Variants in ZNF827 observed in about 807,000 individuals in gnomAD.
The protein encoded by ZNF827 is zinc finger protein 827.
ZNF827 carries 13 observed loss-of-function variants against 102.4 expected under a neutral mutation model. The ratio of observed to expected loss-of-function variants is 0.13; its 90% CI spans 0.08 to 0.20. The LOEUF is 0.20. ZNF827 is among the 10% of genes least tolerant of loss of function. The probability of loss-of-function intolerance (pLI) is 1.00; values close to 1 mark genes in which losing one functional copy is unlikely to be tolerated. For missense variants in ZNF827, 1,103 were observed against 1,344.4 expected, an observed-to-expected ratio of 0.82 and a Z score of 2.81; for synonymous variants, 523 against 536.2, an observed-to-expected ratio of 0.98 and a Z score of 0.34.
Position 145,774,489 on chromosome 4 carries a change from C to G in ZNF827, c.2860+17G>C. On this transcript the variant is annotated intron_variant, in intron 11 of 14. Coordinates refer to ENST00000508784, the MANE Select transcript of ZNF827 (RefSeq NM_001306215.2). ...GGATGGAGAAGGAGTGTGAGAAGGA[C>G]AGACAGGAATGGTCACCTGTGTGCT... 1 of 1,604,238 alleles carries G rather than the reference C, an allele frequency of 6.2e-7. No individual in the cohort carries two copies. Among genetic ancestry groups the G allele is most frequent in the Non-Finnish European group, 8.5e-7 (1 of 1,174,620 alleles).
At chr4:145,856,979 GCGCA>G (rs909955751) in intron 5 of ZNF827, among the ~76,000 whole-genome samples, 2 of 100,260 alleles carry the variant, frequency 2.0e-5, no homozygotes, top group South Asian at 4.3e-4. Flanking sequence ...GCGCGCGCAC[GCGCA>G]CGCACACACA....
chr4:145,895,655 G>A (rs1454844057), intron 2 of ZNF827, among the ~76,000 whole-genome samples: 1 of 152,134 alleles, frequency 6.6e-6, no homozygotes, highest in Admixed American at 6.6e-5. Context: ...TCATCTCACC[G>A]ATAACATCTA....
At chr4:145,884,841 GTTTTTTTAAAAAAAGAAT>G (rs1388393356) in intron 4 of ZNF827, among the ~76,000 whole-genome samples, 1 of 151,970 alleles carries the variant, frequency 6.6e-6, no homozygotes, top group Non-Finnish European at 1.5e-5. Context: ...GATCAGGGCA[GTTTTTTTAAAAAAAGAAT>G]TTTTTTTAAA....
At chr4:145,878,342 G>C (rs544230442) in intron 4 of ZNF827, among the ~76,000 whole-genome samples, 3 of 152,100 alleles carry the variant, frequency 2.0e-5, no homozygotes, top group Non-Finnish European at 4.4e-5. Context: ...GGAAATGAGA[G>C]GGGTATGTTC....
At chr4:145,893,766 C>G (rs1750779096) in intron 2 of ZNF827, among the ~76,000 whole-genome samples, 1 of 152,128 alleles carries the variant, frequency 6.6e-6, no homozygotes, top group South Asian at 2.1e-4. Context: ...TATAACTAAC[C>G]CTTTATTGGA....
rs188194856 is a variant in ZNF827 at position 145,938,687 on chromosome 4, A to G, written c.-280T>C. 1,207 of 470,036 alleles carry G rather than the reference A, an allele frequency of 2.6e-3. 8 individuals carry two copies. Among genetic ancestry groups the G allele is most frequent in the South Asian group, 8.7e-3 (334 of 38,418 alleles). 29.1% of individuals were successfully genotyped at this position (470,036 alleles called of 1,614,324 possible). On this transcript the variant is annotated 5_prime_UTR_variant, in exon 1 of 15. Coordinates refer to ENST00000508784, the MANE Select transcript of ZNF827 (RefSeq NM_001306215.2). ...TTGTCCCCGAGCGTAATATTCTTCA[A>G]TGGAAACGGATCTAATAGGTGTGAG... is the stretch of plus-strand genomic sequence containing the variant.
intron 4 of ZNF827, among the ~76,000 whole-genome samples, chr4:145,873,435 T>C (rs927773969): frequency 3.3e-5 from 5 of 152,188 alleles, no homozygotes; most frequent in Admixed American, 1.3e-4. Flanking sequence ...CAGAAGTGCT[T>C]TCCCTGGATT....
chr4:145,837,382 G>C (rs1407901775), intron 7 of ZNF827, among the ~76,000 whole-genome samples: 2 of 152,018 alleles, frequency 1.3e-5, no homozygotes, highest in Admixed American at 1.3e-4. Flanking sequence ...AATGCTACAG[G>C]GTACAGCCCA....
Position 145,763,232 on chromosome 4 carries a change from G to C in ZNF827, c.3231-110C>G. On this transcript the variant is annotated intron_variant, in intron 13 of 14. Coordinates refer to ENST00000508784, the MANE Select transcript of ZNF827 (RefSeq NM_001306215.2). The surrounding 1 kb of genome is among the most constrained non-coding windows in gnomAD (Gnocchi z 4.6). The stretch of plus-strand genomic sequence containing the variant: ...AAAGCAATTTAGACATCAGCAGTCT[G>C]TTTCATTTTAAGGACATTTCTGTGA... 8.1e-6 allele frequency: 9 copies of C among 1,110,734 alleles called. No homozygotes were observed. The highest frequency in any genetic ancestry group is 1.2e-5 in the Non-Finnish European group (9 of 782,394). The allele number at this position is 1,110,734 out of a possible 1,614,324, so 68.8% of individuals were successfully genotyped here. A position where few individuals can be genotyped will look rare whatever the true frequency, so the allele number is the denominator to read the frequency against.
intron 2 of ZNF827, among the ~76,000 whole-genome samples, chr4:145,893,308 C>A (rs1750747963): frequency 6.6e-6 from 1 of 152,196 alleles, no homozygotes; most frequent in East Asian, 1.9e-4. Flanking sequence ...CTAGCCTCTG[C>A]AATTTAGGGA....
chr4:145,883,565 G>A (rs1355692059), intron 4 of ZNF827, among the ~76,000 whole-genome samples: 1 of 152,172 alleles, frequency 6.6e-6, no homozygotes, highest in East Asian at 1.9e-4. Context: ...ACAGCGTAAT[G>A]TGAGCACTCA....
chr4:145,812,205 C>T (rs939752500), intron 8 of ZNF827, among the ~76,000 whole-genome samples: 13 of 151,766 alleles, frequency 8.6e-5, no homozygotes, highest in African/African-American at 2.2e-4. Flanking sequence ...GAATTACAGG[C>T]GTGAGCCACT....
chr4:145,872,562 T>C (rs1376495436), intron 4 of ZNF827, among the ~76,000 whole-genome samples: 1 of 152,190 alleles, frequency 6.6e-6, no homozygotes, highest in African/African-American at 2.4e-5. Flanking sequence ...ACATGCTATA[T>C]GGTTTTTAAA....
intron 8 of ZNF827, among the ~76,000 whole-genome samples, chr4:145,808,098 G>A (rs1741661994): frequency 6.8e-6 from 1 of 147,920 alleles, no homozygotes; most frequent in Non-Finnish European, 1.5e-5. Context: ...GTTTTTCTGT[G>A]GGTGCAAGTG....
intron 7 of ZNF827, among the ~76,000 whole-genome samples, chr4:145,826,619 ATTAG>A (rs1385584417): frequency 6.6e-5 from 10 of 152,352 alleles, no homozygotes; most frequent in East Asian, 1.9e-4. Flanking sequence ...CTATTTTATT[ATTAG>A]TTATTGTTGT....
chr4:145,768,399 A>T (rs1735649469), intron 11 of ZNF827, among the ~76,000 whole-genome samples: 1 of 152,086 alleles, frequency 6.6e-6, no homozygotes, highest in Non-Finnish European at 1.5e-5. Context: ...TCCTGACCTC[A>T]AGTGATCTGC....
intron 4 of ZNF827, among the ~76,000 whole-genome samples, chr4:145,883,828 T>A (rs1749883237): frequency 6.6e-6 from 1 of 151,952 alleles, no homozygotes. Context: ...GATTGCACTA[T>A]AAGGGCCCAT....
At chr4:145,916,196 C>A (rs1752652482) in intron 1 of ZNF827, among the ~76,000 whole-genome samples, 2 of 152,340 alleles carry the variant, frequency 1.3e-5, no homozygotes, top group Middle Eastern at 3.4e-3. Context: ...GGGCTCCCTG[C>A]ATCAGCTCTG....
At chr4:145,793,535 T>G (rs1054371339) in intron 8 of ZNF827, among the ~76,000 whole-genome samples, 4 of 151,500 alleles carry the variant, frequency 2.6e-5, no homozygotes, top group African/African-American at 9.7e-5. Flanking sequence ...TACCTTTTCA[T>G]GTTTTTCTGC....
Sources: gnomAD v4.1 joint callset for allele counts (sites outside exome capture counted in the v4.1 genomes callset) on GRCh38, gnomAD v4.1.1 for gene constraint, Gnocchi (gnomAD v3.1) non-coding constraint, MANE v1.5 for transcripts, NCBI Gene and HGNC (gene_info 2026-07-23, HGNC 2026-07-21) for gene names.